Variants in NFRKB observed in about 807,000 individuals in gnomAD.
NFRKB encodes nuclear factor related to kappa-B-binding protein.
A neutral mutation model predicts 135.7 loss-of-function variants in NFRKB; 62 were observed. The ratio of observed to expected loss-of-function variants is 0.46; its 90% CI spans 0.37 to 0.56. The LOEUF (loss-of-function observed/expected upper bound fraction) is 0.56. NFRKB is among the 20% of genes least tolerant of loss of function. The probability of loss-of-function intolerance (pLI) is 0.00; values close to 1 mark genes in which losing one functional copy is unlikely to be tolerated. For synonymous variants in NFRKB, 678 were observed against 635.6 expected (o/e 1.07, Z -1.00); for missense variants, 1,545 against 1,662.0 (o/e 0.93, Z 1.22).
At chr11:129,868,546 C>CCGGTTT (rs1948323677) in intron 24 of NFRKB, among the ~76,000 whole-genome samples, 2 of 152,298 alleles carry the variant, frequency 1.3e-5, no homozygotes, top group African/African-American at 4.8e-5. Flanking sequence ...GTGCGCACCC[C>CCGGTTT]CAAGGCTCGC....
intron 4 of NFRKB, among the ~76,000 whole-genome samples, chr11:129,886,741 A>G (rs1011413865): frequency 7.9e-5 from 12 of 152,174 alleles, no homozygotes; most frequent in African/African-American, 2.9e-4. Flanking sequence ...CTGCCTTGAC[A>G]TTCCTCATCT....
chr11:129,873,216 G>T, intron 22 of NFRKB, 120 bp from the exon 23 acceptor site: 2 of 793,776 alleles, frequency 2.5e-6, no homozygotes, highest in Non-Finnish European at 3.9e-6. Flanking sequence ...TAATCCCACA[G>T]TACTTAAGGC....
Position 129,875,437 on chromosome 11 carries a change from T to C in NFRKB, c.1774A>G (p.Asn592Asp). 1 of 1,609,344 alleles carries C rather than the reference T, an allele frequency of 6.2e-7. No individual in the cohort carries two copies. The part of the protein sequence containing the change: ...LVRDAAARLP[N>D]GEGTRAEICE... ...ATCTCTGCCCGTGTGCCTTCTCCAT[T>C]AGGCAGTCGAGCCGCAGCGTCCCGA... Residue 592 changes from asparagine (N) to aspartate (D), a missense_variant, in exon 18 of 27, where the codon AAT (asparagine) becomes GAT (aspartate). By Grantham distance (23) the Asn-to-Asp change is conservative (BLOSUM62 1). This residue lies in a region of NFRKB where 114 missense variants were observed against 211.0 expected (regional missense o/e 0.54). Coordinates refer to ENST00000682444, the MANE Select transcript of NFRKB (RefSeq NM_001143835.2).
At chr11:129,875,291 AT>A (rs1329990733) in intron 18 of NFRKB, 65 bp downstream of exon 18, 56 of 1,291,070 alleles carry the variant, frequency 4.3e-5, no homozygotes, top group Non-Finnish European at 6.0e-5. Flanking sequence ...TATATTTTGT[AT>A]TTCCTGATAA....
intron 14 of NFRKB, 22 bp downstream of exon 14, chr11:129,878,442 G>T: frequency 6.2e-7 from 1 of 1,612,476 alleles, no homozygotes; most frequent in Non-Finnish European, 8.5e-7. Context: ...AGAAGGATCT[G>T]GTATTTCTTA....
chr11:129,892,680 A>G, intron 3 of NFRKB, 35 bp downstream of exon 3: 1 of 1,605,592 alleles, frequency 6.2e-7, no homozygotes, highest in Non-Finnish European at 8.5e-7. Flanking sequence ...GGAAGCTGAC[A>G]GAGAGGAAAA....
In NFRKB at chr11:129,869,708, G is replaced by C; in HGVS notation, c.3317C>G (p.Thr1106Ser). Residue 1106 changes from threonine (T) to serine (S), a missense_variant, in exon 24 of 27, where the codon ACC becomes AGC. Coordinates refer to ENST00000682444, the MANE Select transcript of NFRKB (RefSeq NM_001143835.2). ...VMPPKAGQTI[T>S]VATHAKQGAS... Reference sequence around the variant, plus strand: ...CCCTTGCTTGGCGTGGGTTGCAACGGTGATGGTCTGGCCTGCTTTGGGAGG... The same window carrying C: ...CCCTTGCTTGGCGTGGGTTGCAACGCTGATGGTCTGGCCTGCTTTGGGAGG... 2 of 1,614,254 alleles carry C rather than the reference G, an allele frequency of 1.2e-6. No homozygotes were observed. The highest frequency in any genetic ancestry group is 1.7e-6 in the Non-Finnish European group (2 of 1,180,052).
At chr11:129,872,073 C>T (rs1449271600) in intron 23 of NFRKB, among the ~76,000 whole-genome samples, 1 of 152,162 alleles carries the variant, frequency 6.6e-6, no homozygotes, top group Non-Finnish European at 1.5e-5. Flanking sequence ...TTTCTTTCAT[C>T]TCTTTCAAAT....
Position 129,864,960 on chromosome 11 carries a change from C to T in NFRKB, c.3774+6G>A. Reference sequence around the variant, plus strand: ...GATATGGCCAAGAATTTGCCCTGGGCCTTACCTGTGTGGCCTGACCTTGCT... The same window carrying T: ...GATATGGCCAAGAATTTGCCCTGGGTCTTACCTGTGTGGCCTGACCTTGCT... On this transcript the variant is annotated splice_donor_region_variant and intron_variant, in intron 26 of 26. Coordinates refer to ENST00000682444, the MANE Select transcript of NFRKB (RefSeq NM_001143835.2). The T allele has an allele frequency of 6.2e-7, 1 of 1,613,370 alleles. No individual in the cohort carries two copies. The highest frequency in any genetic ancestry group is 1.1e-5 in the South Asian group (1 of 91,054).
intron 22 of NFRKB, among the ~76,000 whole-genome samples, chr11:129,873,450 TGA>T (rs1360503522): frequency 6.6e-6 from 1 of 152,194 alleles, no homozygotes; most frequent in Non-Finnish European, 1.5e-5. Flanking sequence ...AGAAGGAGCC[TGA>T]GAGGCAGACT....
At position 129,874,450 on chromosome 11, in the gene NFRKB, T is replaced by C. The variant is rs768140762; in HGVS notation, c.2058+51A>G. The C allele has an allele frequency of 1.9e-6, 3 of 1,586,306 alleles. No individual in the cohort carries two copies. Among genetic ancestry groups the C allele is most frequent in the Non-Finnish European group, 2.6e-6 (3 of 1,167,546 alleles). On this transcript the variant is annotated intron_variant, in intron 20 of 26. Transcript: ENST00000682444. This position sits in a 1 kb window ranked among gnomAD's most constrained non-coding sequence, Gnocchi z 4.5. Reference sequence around the variant, plus strand: ...GTGAAAGCCGAGCAGCCACTCTTAGTTGCCTCCATCCCAGAATCCCTAGGG... The same window carrying C: ...GTGAAAGCCGAGCAGCCACTCTTAGCTGCCTCCATCCCAGAATCCCTAGGG...
intron 7 of NFRKB, 85 bp downstream of exon 7, chr11:129,884,660 T>C (rs1949186002): frequency 7.5e-6 from 11 of 1,465,816 alleles, no homozygotes; most frequent in African/African-American, 4.2e-5. Context: ...GGTAGGAATC[T>C]GCCCCCACCC....
rs1948684593 is a variant in NFRKB, at chr11:129,874,789, A to G, written c.1978+4T>C. 1 of 1,614,170 alleles carries G rather than the reference A, an allele frequency of 6.2e-7. No homozygotes were observed. The highest frequency in any genetic ancestry group is 8.5e-7 in the Non-Finnish European group (1 of 1,180,026). ...GTCGGACAGTGCCCAGAGGCCTCAC[A>G]CACCAAACTCTTCTTCACTCCGGTC... On this transcript the variant is annotated splice_donor_region_variant and intron_variant, in intron 19 of 26. Transcript: ENST00000682444. The surrounding 1 kb of genome is among the most constrained non-coding windows in gnomAD (Gnocchi z 4.5).
intron 17 of NFRKB, 30 bp downstream of exon 17, chr11:129,876,691 G>A: frequency 6.2e-7 from 1 of 1,601,538 alleles, no homozygotes; most frequent in East Asian, 2.2e-5. Flanking sequence ...TGAAGAAAGG[G>A]ATCTCTGATA....
At chr11:129,867,323 T>A (rs906113869) in intron 24 of NFRKB, among the ~76,000 whole-genome samples, 3 of 119,124 alleles carry the variant, frequency 2.5e-5, no homozygotes, top group Non-Finnish European at 5.4e-5. Context: ...TAAGTAACTC[T>A]TTTTTTTTTT....
Position 129,873,062 on chromosome 11 carries a change from G to C in NFRKB, c.2585C>G (p.Thr862Ser), listed in dbSNP as rs1948591913. Residue 862 changes from threonine to serine, a missense_variant, in exon 23 of 27, where the codon ACT (threonine) becomes AGT (serine). Transcript: ENST00000682444. ...VMATVPVKAQTTAATVQRPGP... is the reference protein window; with the variant it reads ...VMATVPVKAQSTAATVQRPGP... ...AGGCCGCTGCACAGTGGCTGCCGTA[G>C]TCTGCGCTTTGACGGGCACAGTGGC... The C allele has an allele frequency of 6.2e-7, 1 of 1,613,024 alleles. No individual in the cohort carries two copies. The highest frequency in any genetic ancestry group is 2.2e-5 in the East Asian group (1 of 44,858).
Position 129,882,621 on chromosome 11 carries a change from G to C in NFRKB, c.912C>G (p.Asp304Glu), listed in dbSNP as rs751292007. Residue 304 changes from aspartate (D) to glutamate (E), a missense_variant, in exon 10 of 27, where the codon GAC becomes GAG. Asp to Glu is a conservative substitution (Grantham distance 45, BLOSUM62 2). Coordinates refer to ENST00000682444, the MANE Select transcript of NFRKB (RefSeq NM_001143835.2). Reference protein sequence around the residue: ...GRKGSLAALYDLAVLKKKVKE... With the variant: ...GRKGSLAALYELAVLKKKVKE... ...TAACCTTTTTTTTAAGGACAGCCAA[G>C]TCATATAAGGCTAGAAAGGCAAAGT... 6.2e-7 allele frequency: 1 copy of C among 1,613,158 alleles called. No individual in the cohort carries two copies. The highest frequency in any genetic ancestry group is 1.1e-5 in the South Asian group (1 of 91,026).
At chr11:129,869,377 T>C (rs1699578313) in intron 24 of NFRKB, 117 bp downstream of exon 24, 1 of 1,226,612 alleles carries the variant, frequency 8.2e-7, no homozygotes, top group Non-Finnish European at 1.1e-6. Flanking sequence ...GGGCCTCTAA[T>C]TTCCACTCCT....
At position 129,888,763 on chromosome 11, in the gene NFRKB, TGA is replaced by T; in HGVS notation, c.166_167del (p.Ser56AsnfsTer8). On this transcript the variant is annotated frameshift_variant, in exon 4 of 27. Coordinates refer to ENST00000682444, the MANE Select transcript of NFRKB (RefSeq NM_001143835.2). LOFTEE classifies it high-confidence loss of function. ...AATCACTTAACACTTCCTGCCATGTTGAGAGGCTGACAACATCAAAGAAGATC... is the reference window on the plus strand; with the variant it reads ...AATCACTTAACACTTCCTGCCATGTTGAGGCTGACAACATCAAAGAAGATC... ...PEIFFDVVSL[S>X]TWQEVLSDSQ... 6.2e-7 allele frequency: 1 copy of T among 1,614,176 alleles called. No homozygotes were observed. Among genetic ancestry groups the T allele is most frequent in the Non-Finnish European group, 8.5e-7 (1 of 1,180,020 alleles).
Sources: gnomAD v4.1 joint callset for allele counts (sites outside exome capture counted in the v4.1 genomes callset) on GRCh38, gnomAD v4.1.1 for gene constraint, gnomAD v4.1.1 regional missense constraint, Gnocchi (gnomAD v3.1) non-coding constraint, MANE v1.5 for transcripts, NCBI Gene and HGNC (gene_info 2026-07-23, HGNC 2026-07-21) for gene names.